The following SRPRA variants were observed in gnomAD, a reference collection of about 807,000 sequenced individuals.
The protein encoded by SRPRA is SRP receptor subunit alpha, also known as signal recognition particle receptor subunit alpha.
SRPRA carries 30 observed loss-of-function variants against 61.1 expected under a neutral mutation model. That is an observed-to-expected ratio of 0.49 (90% CI 0.37 to 0.67). The LOEUF is 0.67. Ranked by LOEUF, SRPRA falls within the 30% of genes least tolerant of loss-of-function variation. SRPRA has a pLI of 0.00. For missense variants in SRPRA, 759 were observed against 828.4 expected (o/e 0.92, Z 1.03); for synonymous variants, 324 against 299.7 (o/e 1.08, Z -0.84).
At position 126,266,255 on chromosome 11, in the gene SRPRA, C is replaced by G; in HGVS notation, c.864G>C (p.Gly288=). 6.2e-7 allele frequency: 1 copy of G among 1,614,084 alleles called. No homozygotes were observed. The highest frequency in any genetic ancestry group is 8.5e-7 in the Non-Finnish European group (1 of 1,179,982). Residue 288 remains glycine, a synonymous_variant, in exon 7 of 14, where the codon GGG becomes GGC. Transcript: ENST00000332118. The part of the protein sequence containing the change: ...INLIRGTGSG[G]QLQDLDCSSS... ...TGCTGCAGTCCAGATCCTGAAGCTGCCCCCCAGACCCAGTCCCTCGAATCT... is the reference window on the plus strand; with the variant it reads ...TGCTGCAGTCCAGATCCTGAAGCTGGCCCCCAGACCCAGTCCCTCGAATCT...
At chr11:126,260,832 T>C (rs944598935), downstream of SRPRA, 4 of 152,354 alleles carry the variant, frequency 2.6e-5, no homozygotes, top group African/African-American at 9.6e-5. Context: ...TGCCAAGTGT[T>C]ATCCAGTAGA....
At chr11:126,245,526 T>C in the SRPRA span, among the ~76,000 whole-genome samples, 1 of 151,854 alleles carries the variant, frequency 6.6e-6, no homozygotes, top group African/African-American at 2.4e-5. Flanking sequence ...GTAATGGTTG[T>C]CATCAAGAAA....
the SRPRA span, among the ~76,000 whole-genome samples, chr11:126,257,399 A>G: frequency 6.6e-6 from 1 of 152,180 alleles, no homozygotes; most frequent in Non-Finnish European, 1.5e-5. Context: ...TTTCCATTGA[A>G]TGTAGTGGCA....
At position 126,263,874 on chromosome 11, in the gene SRPRA, C is replaced by A; in HGVS notation, c.*42G>T. The A allele has an allele frequency of 1.2e-6, 2 of 1,609,678 alleles. No homozygotes were observed. The highest frequency in any genetic ancestry group is 4.5e-5 in the East Asian group (2 of 44,866). On this transcript the variant is annotated 3_prime_UTR_variant, in exon 14 of 14. Coordinates refer to ENST00000332118, the MANE Select transcript of SRPRA (RefSeq NM_003139.4). Reference sequence around the variant, plus strand: ...CACATTCTTGATACAGGAAGAAGGGCTTGTGGGGAAAGCGGCGATTTGGTA... The same window carrying A: ...CACATTCTTGATACAGGAAGAAGGGATTGTGGGGAAAGCGGCGATTTGGTA...
At position 126,266,183 on chromosome 11, in the gene SRPRA, C is replaced by A. The variant is rs1248346278; in HGVS notation, c.932+4G>T. 1 of 1,614,098 alleles carries A rather than the reference C, an allele frequency of 6.2e-7. No individual in the cohort carries two copies. Among genetic ancestry groups the A allele is most frequent in the Non-Finnish European group, 8.5e-7 (1 of 1,180,004 alleles). On this transcript the variant is annotated splice_donor_region_variant and intron_variant, in intron 7 of 13. Transcript: ENST00000332118. Reference sequence around the variant, plus strand: ...ATACCAACCCCCACCTGAAATTCCCCTACCTAGGTTTGGTAGAGTTTTGAG... The same window carrying A: ...ATACCAACCCCCACCTGAAATTCCCATACCTAGGTTTGGTAGAGTTTTGAG...
At chr11:126,249,196 C>T in the SRPRA span, among the ~76,000 whole-genome samples, 2 of 152,054 alleles carry the variant, frequency 1.3e-5, no homozygotes, top group Non-Finnish European at 2.9e-5. Flanking sequence ...ACAACATAGC[C>T]AGACCTCACA....
downstream of SRPRA, chr11:126,262,159 T>G: frequency 4.3e-6 from 7 of 1,613,254 alleles, no homozygotes; most frequent in Non-Finnish European, 5.9e-6. Flanking sequence ...CACCACCGTT[T>G]AGACCAAGCT....
downstream of SRPRA, among the ~76,000 whole-genome samples, chr11:126,258,041 C>T (rs1950607836): frequency 6.6e-6 from 1 of 152,160 alleles, no homozygotes; most frequent in African/African-American, 2.4e-5. Flanking sequence ...AAAAACTTGG[C>T]TGTTGTGCAC....
At position 126,265,166 on chromosome 11, in the gene SRPRA, A is replaced by G; in HGVS notation, c.1318T>C (p.Phe440Leu). 6.2e-7 allele frequency: 1 copy of G among 1,614,204 alleles called. No individual in the cohort carries two copies. Among genetic ancestry groups the G allele is most frequent in the Non-Finnish European group, 8.5e-7 (1 of 1,180,024 alleles). The change falls in exon 11 of 14, where the codon TTC (phenylalanine) becomes CTC (leucine). Residue 440 changes from phenylalanine (F) to leucine (L), a missense_variant. Transcript: ENST00000332118. This position sits in a 1 kb window ranked among gnomAD's most constrained non-coding sequence, Gnocchi z 6.3. ...CTGAAGCCATTCTCTAACAACCAGAAGGAAATCTGTGAAAAAGACGTAAGA... is the reference window on the plus strand; with the variant it reads ...CTGAAGCCATTCTCTAACAACCAGAGGGAAATCTGTGAAAAAGACGTAAGA... The part of the protein sequence containing the change: ...GKSTNLAKIS[F>L]WLLENGFSVL...
chr11:126,257,994 A>G (rs1262545448), downstream of SRPRA, among the ~76,000 whole-genome samples: 1 of 152,234 alleles, frequency 6.6e-6, no homozygotes, highest in Non-Finnish European at 1.5e-5. Flanking sequence ...GCCAGGCTCC[A>G]GAGTATGGCT....
chr11:126,247,587 C>T, the SRPRA span, among the ~76,000 whole-genome samples: 25 of 152,032 alleles, frequency 1.6e-4, no homozygotes, highest in Non-Finnish European at 2.9e-4. Context: ...TTTGCCAGCG[C>T]GGTGGCTCAC....
At chr11:126,255,140 A>G in the SRPRA span, among the ~76,000 whole-genome samples, 1 of 152,250 alleles carries the variant, frequency 6.6e-6, no homozygotes, top group Admixed American at 6.5e-5. This position sits in a 1 kb window ranked among gnomAD's most constrained non-coding sequence, Gnocchi z 4.6. Context: ...ATAAATGGCA[A>G]TGGGCTTATA....
downstream of SRPRA, among the ~76,000 whole-genome samples, chr11:126,257,976 CT>C (rs1451540716): frequency 6.6e-6 from 1 of 152,132 alleles, no homozygotes; most frequent in Admixed American, 6.5e-5. Context: ...TTTTCAAAAC[CT>C]CACATTGCCA....
downstream of SRPRA, chr11:126,262,497 G>T: frequency 3.4e-6 from 1 of 296,616 alleles, no homozygotes; most frequent in Non-Finnish European, 6.2e-6. Flanking sequence ...GAATCACTGT[G>T]GCTCTTGTTG....
the SRPRA span, among the ~76,000 whole-genome samples, chr11:126,240,612 C>T: frequency 2.6e-5 from 4 of 152,160 alleles, no homozygotes; most frequent in African/African-American, 7.2e-5. Context: ...TTTCAGCAAG[C>T]ACTGACACAA....
At position 126,264,884 on chromosome 11, in the gene SRPRA, C is replaced by T; in HGVS notation, c.1525+75G>A. The T allele has an allele frequency of 7.1e-7, 1 of 1,407,366 alleles. No homozygotes were observed. Among genetic ancestry groups the T allele is most frequent in the Non-Finnish European group, 9.7e-7 (1 of 1,036,238 alleles). 87.2% of individuals were successfully genotyped at this position (1,407,366 alleles called of 1,614,324 possible). A position where few individuals can be genotyped will look rare whatever the true frequency, so the allele number is the denominator to read the frequency against. ...GAGTCTGTAGTAGCACAAGCCTGATCTTCTGCAAATTCCAAGAGAACCCAA... is the reference window on the plus strand; with the variant it reads ...GAGTCTGTAGTAGCACAAGCCTGATTTTCTGCAAATTCCAAGAGAACCCAA... On this transcript the variant is annotated intron_variant, in intron 11 of 13. Transcript: ENST00000332118. This position sits in a 1 kb window ranked among gnomAD's most constrained non-coding sequence, Gnocchi z 5.0.
chr11:126,254,288 A>G, the SRPRA span: 1 of 1,612,706 alleles, frequency 6.2e-7, no homozygotes, highest in East Asian at 2.2e-5. Context: ...TGGTTGGGCT[A>G]TATGTGTGTT....
chr11:126,256,846 A>G, the SRPRA span: 1 of 1,609,620 alleles, frequency 6.2e-7, no homozygotes, highest in South Asian at 1.1e-5. The surrounding 1 kb of genome is among the most constrained non-coding windows in gnomAD (Gnocchi z 6.6). Context: ...CACAAGGGGT[A>G]CATCAGGTAA....
At position 126,265,850 on chromosome 11, in the gene SRPRA, G is replaced by C. The variant is rs749825416; in HGVS notation, c.1052-27C>G. The C allele has an allele frequency of 6.2e-7, 1 of 1,613,778 alleles. No homozygotes were observed. Among genetic ancestry groups the C allele is most frequent in the Non-Finnish European group, 8.5e-7 (1 of 1,179,610 alleles). On this transcript the variant is annotated intron_variant, in intron 8 of 13. Transcript: ENST00000332118. The surrounding 1 kb of genome is among the most constrained non-coding windows in gnomAD (Gnocchi z 6.3). ...TGAGGAGAGGGGGACAGGTATGTCA[G>C]TTCCATGTCAGCAATGACCAATCTT...
Sources: allele counts gnomAD v4.1 joint callset (sites outside exome capture counted in the v4.1 genomes callset), GRCh38; gene constraint gnomAD v4.1.1; non-coding constraint Gnocchi (gnomAD v3.1); transcripts MANE v1.5; gene names NCBI Gene and HGNC (gene_info 2026-07-23, HGNC 2026-07-21).